The following DNAAF4 variants were observed in gnomAD, a reference collection of about 807,000 sequenced individuals.
The protein encoded by DNAAF4 is dynein assembly factor 4, axonemal.
A neutral mutation model predicts 51.8 loss-of-function variants in DNAAF4; 43 were observed. The observed-to-expected ratio is 0.83, with a 90% confidence interval of 0.65 to 1.07. DNAAF4 has a LOEUF of 1.07. Among genes scored for constraint, DNAAF4 ranks in the 50% least tolerant of loss-of-function variants. DNAAF4 has a pLI of 0.00. For synonymous variants in DNAAF4, 194 were observed against 165.6 expected, an observed-to-expected ratio of 1.17 and a Z score of -1.32; for missense variants, 581 against 493.0, an observed-to-expected ratio of 1.18 and a Z score of -1.69.
intron 3 of DNAAF4, among the ~76,000 whole-genome samples, chr15:55,493,214 A>G (rs1466993527): frequency 1.3e-5 from 2 of 152,188 alleles, no homozygotes; most frequent in Admixed American, 6.5e-5. Context: ...AGCCTACAGG[A>G]GTGTGAGAAA....
intron 4 of DNAAF4, among the ~76,000 whole-genome samples, chr15:55,472,266 C>T (rs1046675616): frequency 2.6e-5 from 4 of 152,062 alleles, no homozygotes; most frequent in Non-Finnish European, 2.9e-5. Flanking sequence ...GGAAGACACA[C>T]GGAGGAATAT....
rs1820145035 is a variant in DNAAF4, at chr15:55,498,593, G to GGAAAA, written c.-255-10_-255-9insTTTTC. 1.3e-5 allele frequency: 1 copy of GGAAAA among 74,652 alleles called. No individual in the cohort carries two copies. The highest frequency in any genetic ancestry group is 2.4e-5 in the Non-Finnish European group (1 of 42,430). 4.6% of individuals were successfully genotyped at this position (74,652 alleles called of 1,614,324 possible). A position where few individuals can be genotyped will look rare whatever the true frequency, so the allele number is the denominator to read the frequency against. On this transcript the variant is annotated splice_polypyrimidine_tract_variant and intron_variant, in intron 1 of 9. Coordinates refer to ENST00000321149, the MANE Select transcript of DNAAF4 (RefSeq NM_130810.4). ...AAGTAGACCCATACCCTCTGCTTGA[G>GGAAAA]AAAAAAAAAAAAAAAAAAAAGCACT...
chr15:55,471,010 C>A (rs893909181), intron 4 of DNAAF4, among the ~76,000 whole-genome samples: 4 of 151,338 alleles, frequency 2.6e-5, no homozygotes, highest in Non-Finnish European at 5.9e-5. Flanking sequence ...CGCAGCACCA[C>A]GAATGGCTAA....
At position 55,450,220 on chromosome 15, in the gene DNAAF4, ACCT is replaced by A. The variant is rs759181738; in HGVS notation, c.782_783+1del. On this transcript the variant is annotated splice_donor_variant and coding_sequence_variant, in exon 6 of 10. Transcript: ENST00000321149. LOFTEE classifies it high-confidence loss of function. The stretch of plus-strand genomic sequence containing the variant: ...AATTGTAACTAGAGTAAGTATATAT[ACCT>A]CCTCCTCTTCTGCTACTTGTGATTC... The A allele has an allele frequency of 1.9e-6, 3 of 1,607,850 alleles. No individual in the cohort carries two copies. The highest frequency in any genetic ancestry group is 2.5e-6 in the Non-Finnish European group (3 of 1,178,424).
chr15:55,474,815 C>T (rs1483684778), intron 4 of DNAAF4, among the ~76,000 whole-genome samples: 1 of 152,028 alleles, frequency 6.6e-6, no homozygotes, highest in African/African-American at 2.4e-5. Context: ...CTCGTCTCTA[C>T]TAAAAATACA....
intron 4 of DNAAF4, among the ~76,000 whole-genome samples, chr15:55,487,359 C>T (rs1268497604): frequency 6.6e-6 from 1 of 151,944 alleles, no homozygotes; most frequent in Non-Finnish European, 1.5e-5. Flanking sequence ...TTTAGCTTAA[C>T]AATTGTAAAC....
At chr15:55,446,538 G>A (rs1205386872) in intron 6 of DNAAF4, among the ~76,000 whole-genome samples, 1 of 148,448 alleles carries the variant, frequency 6.7e-6, no homozygotes, top group Non-Finnish European at 1.5e-5. Context: ...AGACCGGGTG[G>A]CCGGGCAGAG....
intron 5 of DNAAF4, among the ~76,000 whole-genome samples, chr15:55,464,044 C>A (rs1208309997): frequency 1.3e-5 from 2 of 152,296 alleles, no homozygotes; most frequent in South Asian, 2.1e-4. Context: ...ATCATATTAC[C>A]TGACTTCAAA....
chr15:55,443,691 C>T (rs939010065), intron 6 of DNAAF4, among the ~76,000 whole-genome samples: 1 of 152,226 alleles, frequency 6.6e-6, no homozygotes, highest in Non-Finnish European at 1.5e-5. Context: ...TATTTCTCCA[C>T]ATCCTCTCCA....
chr15:55,449,033 A>G (rs1322704916), intron 6 of DNAAF4, among the ~76,000 whole-genome samples: 1 of 150,352 alleles, frequency 6.7e-6, no homozygotes, highest in African/African-American at 2.4e-5. Context: ...TCTTTCACCC[A>G]GGCTGGAGTG....
At chr15:55,501,013 A>AAAT (rs1555422053) in intron 1 of DNAAF4, among the ~76,000 whole-genome samples, 2 of 142,540 alleles carry the variant, frequency 1.4e-5, no homozygotes, top group Non-Finnish European at 1.5e-5. Flanking sequence ...AAAAAAAAAA[A>AAAT]TGGAAACTTA....
chr15:55,439,995 T>G (rs1297827311), intron 6 of DNAAF4, among the ~76,000 whole-genome samples: 1 of 152,180 alleles, frequency 6.6e-6, no homozygotes, highest in Non-Finnish European at 1.5e-5. Flanking sequence ...GTTTATTGTT[T>G]AAGCCACCCA....
chr15:55,447,808 CAGAGGGG>C (rs1357567860), intron 6 of DNAAF4, among the ~76,000 whole-genome samples: 3 of 55,952 alleles, frequency 5.4e-5, no homozygotes, highest in African/African-American at 7.3e-5. Context: ...GGGGAGAGGG[CAGAGGGG>C]AGAGGGGAGA....
chr15:55,432,677 GGCTCAC>G, intron 8 of DNAAF4, 75 bp from the exon 9 acceptor site: 2 of 1,339,146 alleles, frequency 1.5e-6, no homozygotes, highest in Non-Finnish European at 2.1e-6. Context: ...TGGGCATGGT[GGCTCAC>G]GCCTGTAATC....
At chr15:55,418,496 C>G (rs2141376784) in intron 7 of DNAAF4, 1 of 1,527,862 alleles carries the variant, frequency 6.5e-7, no homozygotes, top group East Asian at 2.4e-5. Context: ...TGGATTTTAT[C>G]AAAATAACAC....
Position 55,498,342 on chromosome 15 carries a change from G to T in DNAAF4, c.-13C>A, listed in dbSNP as rs61753409. On this transcript the variant is annotated 5_prime_UTR_variant, in exon 2 of 10. Coordinates refer to ENST00000321149, the MANE Select transcript of DNAAF4 (RefSeq NM_130810.4). Reference sequence around the variant, plus strand: ...CCTGAAGAGGCATTCCGGTAGCAACGGGAGCGGATAGCGCGGCTGGTTGCT... The same window carrying T: ...CCTGAAGAGGCATTCCGGTAGCAACTGGAGCGGATAGCGCGGCTGGTTGCT... 2.5e-6 allele frequency: 4 copies of T among 1,596,866 alleles called. No homozygotes were observed. Among genetic ancestry groups the T allele is most frequent in the Middle Eastern group, 1.7e-4 (1 of 5,942 alleles).
chr15:55,433,878 C>T (rs183019044), intron 8 of DNAAF4, among the ~76,000 whole-genome samples: 1,059 of 14,764 alleles, frequency 0.072, 209 homozygotes, highest in Non-Finnish European at 0.09. Context: ...ATATATATTA[C>T]ATATATTATA....
At chr15:55,471,242 T>C (rs576700148) in intron 4 of DNAAF4, among the ~76,000 whole-genome samples, 4 of 152,316 alleles carry the variant, frequency 2.6e-5, no homozygotes, top group African/African-American at 9.6e-5. Flanking sequence ...TAGTCATAGC[T>C]TGGTCTTTCT....
chr15:55,459,690 T>TTTTC (rs778771109), intron 5 of DNAAF4, among the ~76,000 whole-genome samples: 84 of 149,856 alleles, frequency 5.6e-4, no homozygotes, highest in Non-Finnish European at 9.4e-4. Flanking sequence ...AGCTATTCTT[T>TTTTC]TTTCTTTCTT....
Sources: gnomAD v4.1 joint callset for allele counts (sites outside exome capture counted in the v4.1 genomes callset) on GRCh38, gnomAD v4.1.1 for gene constraint, MANE v1.5 for transcripts, NCBI Gene and HGNC (gene_info 2026-07-23, HGNC 2026-07-21) for gene names.